ERC1: variants seen among roughly 807,000 people sequenced by gnomAD.
ERC1 encodes ELKS/RAB6-interacting/CAST family member 1.
A neutral mutation model predicts 132.0 loss-of-function variants in ERC1; 56 were observed. The ratio of observed to expected loss-of-function variants is 0.42; its 90% confidence interval spans 0.34 to 0.53. The LOEUF is 0.53. Among genes scored for constraint, ERC1 ranks in the 20% least tolerant of loss-of-function variants. The probability of loss-of-function intolerance (pLI) is 0.03; values close to 1 mark genes in which losing one functional copy is unlikely to be tolerated. For synonymous variants in ERC1, 478 were observed against 476.1 expected (o/e 1.00, Z -0.05); for missense variants, 1,202 against 1,349.9 (o/e 0.89, Z 1.72).
intron 15 of ERC1, among the ~76,000 whole-genome samples, chr12:1,370,590 T>C (rs2087108364): frequency 6.6e-6 from 1 of 152,274 alleles, no homozygotes; most frequent in East Asian, 1.9e-4. Flanking sequence ...GGATAAAGTA[T>C]GTAAGTTACA....
intron 2 of ERC1, among the ~76,000 whole-genome samples, chr12:1,053,335 T>C (rs981753788): frequency 6.6e-6 from 1 of 152,198 alleles, no homozygotes; most frequent in Non-Finnish European, 1.5e-5. Flanking sequence ...AGCTTTTCGT[T>C]ATGCATTAAA....
intron 1 of ERC1, among the ~76,000 whole-genome samples, chr12:995,269 A>G (rs975627864): frequency 1.3e-5 from 2 of 152,100 alleles, no homozygotes; most frequent in South Asian, 2.1e-4. Flanking sequence ...CAAATAAATA[A>G]TAAATAAATA....
chr12:1,343,031 C>T (rs1295541703), intron 15 of ERC1, among the ~76,000 whole-genome samples: 1 of 152,198 alleles, frequency 6.6e-6, no homozygotes, highest in Non-Finnish European at 1.5e-5. Flanking sequence ...GTCCTCACAA[C>T]TCCTTCCAGC....
At position 1,145,350 on chromosome 12, in the gene ERC1, G is replaced by T. The variant is rs185379837; in HGVS notation, c.1737+3563G>T. Among the ~76,000 whole-genome samples, 355 of 150,100 alleles carry T rather than the reference G, an allele frequency of 2.4e-3. 1 individual carries two copies. The highest frequency in any genetic ancestry group is 2.7e-3 in the Non-Finnish European group (180 of 67,274). On this transcript the variant is annotated intron_variant, in intron 8 of 18. Transcript: ENST00000360905. ...GCTTTAGTATGTTTGTTGGCCATTTGTATATCTTCTTTTGAGAACTGTCTA... is the reference window on the plus strand; with the variant it reads ...GCTTTAGTATGTTTGTTGGCCATTTTTATATCTTCTTTTGAGAACTGTCTA...
chr12:1,177,655 G>A (rs1396460424), intron 8 of ERC1, among the ~76,000 whole-genome samples: 5 of 152,144 alleles, frequency 3.3e-5, no homozygotes, highest in African/African-American at 4.8e-5. Context: ...TATCATCAGA[G>A]ATCACTGATC....
rs143039289 is a variant in ERC1 at position 1,295,816 on chromosome 12, A to G, written c.2780+5804A>G. On this transcript the variant is annotated intron_variant, in intron 15 of 18. Coordinates refer to ENST00000360905, the MANE Select transcript of ERC1 (RefSeq NM_178040.4). Reference sequence around the variant, plus strand: ...AAACCTATACAAGTTCAAGGAGTCAACTATTAACTGACTTATATGTACTAG... The same window carrying G: ...AAACCTATACAAGTTCAAGGAGTCAGCTATTAACTGACTTATATGTACTAG... Among the ~76,000 whole-genome samples, 428 of 152,290 alleles carry G rather than the reference A, an allele frequency of 2.8e-3. 1 individual carries two copies. Among genetic ancestry groups the G allele is most frequent in the African/African-American group, 9.4e-3 (392 of 41,552 alleles).
intron 18 of ERC1, among the ~76,000 whole-genome samples, chr12:1,455,923 G>A (rs1452250538): frequency 1.3e-5 from 2 of 152,172 alleles, no homozygotes; most frequent in African/African-American, 4.8e-5. Flanking sequence ...AGATGCGACG[G>A]AGTGGGAAAG....
At chr12:1,080,000 G>A (rs548894096) in intron 2 of ERC1, among the ~76,000 whole-genome samples, 1 of 152,224 alleles carries the variant, frequency 6.6e-6, no homozygotes, top group Non-Finnish European at 1.5e-5. Flanking sequence ...GAGTTCCCAA[G>A]AAAAATGTGG....
In ERC1 at chr12:1,225,449, T is replaced by TAAAACACACACACACACACACAC. The variant is rs139203394; in HGVS notation, c.2352-11319_2352-11318insAAACACACACACACACACACACA. 8.3e-5 allele frequency among the ~76,000 whole-genome samples: 11 copies of TAAAACACACACACACACACACAC among 131,848 alleles called. No individual in the cohort carries two copies. In the East Asian group the frequency reaches 9.0e-4, roughly 11 times the overall value. The allele number at this position is 131,848 out of a possible 152,430, so 86.5% of individuals were successfully genotyped here. ...AGGACAACAAAATGAGGCTGTCTCT[T>TAAAACACACACACACACACACAC]ACACACACACACACACACACACACA... On this transcript the variant is annotated intron_variant, in intron 12 of 18. Transcript: ENST00000360905.
At chr12:1,179,333 C>T (rs1416193395) in intron 8 of ERC1, among the ~76,000 whole-genome samples, 1 of 152,008 alleles carries the variant, frequency 6.6e-6, no homozygotes, top group East Asian at 1.9e-4. Context: ...ACAGAACTGG[C>T]CAGACCACTT....
intron 17 of ERC1, among the ~76,000 whole-genome samples, chr12:1,424,887 T>TAGAC (rs2092583655): frequency 6.6e-6 from 1 of 150,986 alleles, no homozygotes; most frequent in Non-Finnish European, 1.5e-5. Flanking sequence ...GATAGATAGA[T>TAGAC]AGATAGATAG....
chr12:1,417,600 G>A (rs1338862570), intron 17 of ERC1, among the ~76,000 whole-genome samples: 2 of 152,004 alleles, frequency 1.3e-5, no homozygotes, highest in Non-Finnish European at 2.9e-5. Context: ...GGCCAACATG[G>A]CAAAATCCTG....
At chr12:1,195,289 G>A (rs1047047310) in intron 12 of ERC1, among the ~76,000 whole-genome samples, 3 of 152,086 alleles carry the variant, frequency 2.0e-5, no homozygotes, top group African/African-American at 7.2e-5. Flanking sequence ...CCTAGTCCCA[G>A]CCTCTGCAGA....
chr12:1,278,388 A>G lies in ERC1; in HGVS notation c.2620-11464A>G, dbSNP rs7302850. Among the ~76,000 whole-genome samples the G allele has an allele frequency of 4.1e-3, 632 of 152,316 alleles. 7 individuals are homozygous for G. The highest frequency in any genetic ancestry group is 0.015 in the African/African-American group (611 of 41,574). ...CCATTTATTAATGGAAATTACCCAG[A>G]TATGTTCTAATGACAGGAGGTTTAA... On this transcript the variant is annotated intron_variant, in intron 14 of 18. Transcript: ENST00000360905.
At chr12:1,337,797 GA>G (rs2083439541) in intron 15 of ERC1, among the ~76,000 whole-genome samples, 1 of 152,132 alleles carries the variant, frequency 6.6e-6, no homozygotes, top group Admixed American at 6.5e-5. Flanking sequence ...CCTCACTTAT[GA>G]AGGTTATTTT....
chr12:1,210,777 C>T (rs1179871297), intron 12 of ERC1, among the ~76,000 whole-genome samples: 3 of 151,990 alleles, frequency 2.0e-5, no homozygotes, highest in Admixed American at 6.6e-5. Flanking sequence ...AGATGGATCA[C>T]GAGGTCAAGA....
At chr12:1,136,129 T>C (rs918851472) in intron 7 of ERC1, among the ~76,000 whole-genome samples, 2 of 152,250 alleles carry the variant, frequency 1.3e-5, no homozygotes, top group African/African-American at 4.8e-5. Context: ...TTATCCCTTA[T>C]ATACAACCAA....
chr12:1,195,612 C>T (rs780353718), intron 12 of ERC1, among the ~76,000 whole-genome samples: 3 of 152,314 alleles, frequency 2.0e-5, no homozygotes, highest in Non-Finnish European at 2.9e-5. Flanking sequence ...TTCTCCTGAA[C>T]ATTATCTTGT....
chr12:1,400,136 C>T (rs1459611973), intron 16 of ERC1, among the ~76,000 whole-genome samples: 5 of 152,114 alleles, frequency 3.3e-5, no homozygotes, highest in East Asian at 1.9e-4. Flanking sequence ...ATTGCTTCTC[C>T]GTTGTTCCTG....
Sources: gnomAD v4.1 joint callset for allele counts (sites outside exome capture counted in the v4.1 genomes callset) on GRCh38, gnomAD v4.1.1 for gene constraint, MANE v1.5 for transcripts, NCBI Gene and HGNC (gene_info 2026-07-23, HGNC 2026-07-21) for gene names.